Variants in TACC2 observed in about 807,000 individuals in gnomAD.
TACC2 encodes the protein transforming acidic coiled-coil containing protein 2.
A neutral mutation model predicts 227.3 loss-of-function variants in TACC2; 137 were observed. That is an observed-to-expected ratio of 0.60 (90% CI 0.52 to 0.69). TACC2 has a LOEUF of 0.69. Ranked by LOEUF, TACC2 falls within the 30% of genes least tolerant of loss-of-function variation. TACC2 has a pLI of 0.00. For missense variants in TACC2, 3,470 were observed against 3,694.4 expected, an observed-to-expected ratio of 0.94 and a Z score of 1.57; for synonymous variants, 1,523 against 1,487.5, an observed-to-expected ratio of 1.02 and a Z score of -0.55.
chr10:122,119,432 T>G (rs1375024531), intron 5 of TACC2, among the ~76,000 whole-genome samples: 1 of 152,196 alleles, frequency 6.6e-6, no homozygotes, highest in Non-Finnish European at 1.5e-5. Context: ...CCCAGTGTTC[T>G]GGTGAGTCAG....
intron 1 of TACC2, among the ~76,000 whole-genome samples, chr10:122,017,320 G>A (rs371781471): frequency 6.6e-6 from 1 of 152,038 alleles, no homozygotes; most frequent in African/African-American, 2.4e-5. Flanking sequence ...CACATGCGTC[G>A]CCTGCGAAGT....
At chr10:121,994,800 T>G (rs908460884) in intron 1 of TACC2, 2 of 152,236 alleles carry the variant, frequency 1.3e-5, no homozygotes, top group Non-Finnish European at 2.9e-5. Context: ...GATAAAAGCA[T>G]TGCTTGTTTG....
At chr10:122,249,842 A>G (rs990055800) in intron 22 of TACC2, among the ~76,000 whole-genome samples, 178 bp downstream of exon 22, 1 of 152,156 alleles carries the variant, frequency 6.6e-6, no homozygotes, top group African/African-American at 2.4e-5. Context: ...CAGCCCTAAG[A>G]CCAGCTTCCT....
Position 122,243,616 on chromosome 10 carries a change from T to TA in TACC2, c.8392+1626dup, listed in dbSNP as rs139400937. On this transcript the variant is annotated intron_variant, in intron 19 of 22. Transcript: ENST00000369005. ...AATTTATGAACACATATGGATAAGA[T>TA]AAAAAAAAAAACTCTTGGAGTTGAA... Among the ~76,000 whole-genome samples, 528 of 144,576 alleles carry TA rather than the reference T, an allele frequency of 3.7e-3. 2 individuals carry two copies. The highest frequency in any genetic ancestry group is 5.2e-3 in the Non-Finnish European group (336 of 65,210). The allele number at this position is 144,576 out of a possible 152,430, so 94.8% of individuals were successfully genotyped here. A position where few individuals can be genotyped will look rare whatever the true frequency, so the allele number is the denominator to read the frequency against.
chr10:122,121,838 T>A (rs1366844330), intron 5 of TACC2, among the ~76,000 whole-genome samples: 1 of 152,154 alleles, frequency 6.6e-6, no homozygotes, highest in Non-Finnish European at 1.5e-5. Context: ...CTCTGCCATC[T>A]CTTCCTGCCC....
At chr10:122,176,828 A>G (rs1169905559) in intron 7 of TACC2, among the ~76,000 whole-genome samples, 2 of 152,240 alleles carry the variant, frequency 1.3e-5, no homozygotes, top group African/African-American at 4.8e-5. Context: ...TATGCCTGGG[A>G]GTCCCACAAA....
intron 14 of TACC2, among the ~76,000 whole-genome samples, chr10:122,229,004 G>C (rs774166891): frequency 6.6e-6 from 1 of 152,000 alleles, no homozygotes; most frequent in Non-Finnish European, 1.5e-5. Flanking sequence ...ATTTCTTGAA[G>C]AGTTATGTTA....
At chr10:122,173,127 T>G (rs7897826) in intron 7 of TACC2, among the ~76,000 whole-genome samples, 60,321 of 151,970 alleles carry the variant, frequency 0.4, 13,100 homozygotes, top group African/African-American at 0.58. Flanking sequence ...ACAGGTGAGA[T>G]TCCTACAGGG....
intron 16 of TACC2, among the ~76,000 whole-genome samples, chr10:122,234,408 C>CT (rs948091392): frequency 3.3e-5 from 5 of 152,192 alleles, no homozygotes; most frequent in Non-Finnish European, 5.9e-5. Flanking sequence ...ATTCTAGTGG[C>CT]TTTTTTTGGC....
Position 122,050,496 on chromosome 10 carries a change from T to TA in TACC2, c.97dup (p.Arg33LysfsTer11). ...CAGCCACCCGGGAACAGTCAGAATA[T>TA]AAAAAGGAAGCAGCAGGACACGCCC... On this transcript the variant is annotated frameshift_variant, in exon 3 of 23. Transcript: ENST00000369005. LOFTEE classifies it high-confidence loss of function. The surrounding 1 kb of genome is among the most constrained non-coding windows in gnomAD (Gnocchi z 4.6). 1 of 1,614,018 alleles carries TA rather than the reference T, an allele frequency of 6.2e-7. No individual in the cohort carries two copies. Among genetic ancestry groups the TA allele is most frequent in the Non-Finnish European group, 8.5e-7 (1 of 1,180,010 alleles).
intron 7 of TACC2, among the ~76,000 whole-genome samples, chr10:122,176,608 G>A (rs901645572): frequency 6.6e-6 from 1 of 152,082 alleles, no homozygotes; most frequent in African/African-American, 2.4e-5. Context: ...AGAATGTGTG[G>A]CCTTGTAGAT....
At chr10:122,200,449 C>T (rs950530543) in intron 8 of TACC2, among the ~76,000 whole-genome samples, 4 of 149,280 alleles carry the variant, frequency 2.7e-5, no homozygotes, top group Admixed American at 6.6e-5. Context: ...AGGACAGTTA[C>T]CTCACCTGCC....
At chr10:122,178,010 T>G (rs1046711083) in intron 7 of TACC2, among the ~76,000 whole-genome samples, 1 of 152,168 alleles carries the variant, frequency 6.6e-6, no homozygotes, top group African/African-American at 2.4e-5. Flanking sequence ...CTGGATATCT[T>G]AGACTTTTTG....
chr10:122,218,344 T>C (rs2095453344), intron 11 of TACC2, among the ~76,000 whole-genome samples: 2 of 152,176 alleles, frequency 1.3e-5, no homozygotes, highest in Non-Finnish European at 2.9e-5. Context: ...GACTAAGATC[T>C]CCTTTAAACG....
At chr10:122,156,089 G>C (rs1001185866) in intron 7 of TACC2, among the ~76,000 whole-genome samples, 28 of 151,436 alleles carry the variant, frequency 1.8e-4, no homozygotes, top group Non-Finnish European at 4.0e-4. Flanking sequence ...CGCCTGCCTC[G>C]GCCTCCCAAA....
intron 5 of TACC2, 33 bp downstream of exon 5, chr10:122,088,624 T>G: frequency 6.2e-7 from 1 of 1,600,880 alleles, no homozygotes; most frequent in Non-Finnish European, 8.5e-7. Flanking sequence ...TGGAAGGCCA[T>G]GATGCCTTCC....
intron 6 of TACC2, among the ~76,000 whole-genome samples, chr10:122,134,035 T>C (rs1013881727): frequency 6.6e-6 from 1 of 151,414 alleles, no homozygotes; most frequent in Non-Finnish European, 1.5e-5. Flanking sequence ...TAGGAGGAGG[T>C]ACCTGGTGGG....
intron 7 of TACC2, among the ~76,000 whole-genome samples, chr10:122,182,680 G>A (rs907208876): frequency 8.5e-5 from 13 of 152,198 alleles, no homozygotes; most frequent in South Asian, 6.2e-4. Context: ...GTCAAAACAC[G>A]TGAGCTTTAA....
chr10:122,177,323 C>A (rs2093765283), intron 7 of TACC2, among the ~76,000 whole-genome samples: 1 of 152,066 alleles, frequency 6.6e-6, no homozygotes, highest in Non-Finnish European at 1.5e-5. Flanking sequence ...GAGGCTGGAA[C>A]AGAGAGAAAG....
Sources: allele counts gnomAD v4.1 joint callset (sites outside exome capture counted in the v4.1 genomes callset), GRCh38; gene constraint gnomAD v4.1.1; non-coding constraint Gnocchi (gnomAD v3.1); transcripts MANE v1.5; gene names NCBI Gene and HGNC (gene_info 2026-07-23, HGNC 2026-07-21).